Variants in UBE2B observed in about 807,000 individuals in gnomAD.
The protein encoded by UBE2B is ubiquitin-conjugating enzyme E2 B.
In UBE2B, 11 loss-of-function variants were observed where a neutral mutation model predicts 24.6. The observed-to-expected ratio is 0.45, with a 90% confidence interval of 0.28 to 0.74. The LOEUF (loss-of-function observed/expected upper bound fraction) is 0.74, where lower values mean the gene tolerates loss of function less well. Among genes scored for constraint, UBE2B ranks in the 30% least tolerant of loss-of-function variants. The pLI, the probability that UBE2B is intolerant of heterozygous loss-of-function variation, is 0.13. For missense variants in UBE2B, 78 were observed against 185.6 expected (o/e 0.42, Z 3.37); for synonymous variants, 68 against 62.4 (o/e 1.09, Z -0.42).
At chr5:134,379,943 C>G (rs1274962591) in intron 3 of UBE2B, among the ~76,000 whole-genome samples, 3 of 151,686 alleles carry the variant, frequency 2.0e-5, no homozygotes, top group Admixed American at 2.0e-4. Flanking sequence ...GAGACAGAGT[C>G]TTGCTCTTGT....
intron 1 of UBE2B, among the ~76,000 whole-genome samples, chr5:134,373,053 GT>G (rs1554113829): frequency 1.3e-5 from 2 of 152,172 alleles, no homozygotes; most frequent in Non-Finnish European, 2.9e-5. Flanking sequence ...ACCTTTTGTA[GT>G]TTCCAGAGAT....
chr5:134,372,851 T>C (rs916049872), intron 1 of UBE2B, among the ~76,000 whole-genome samples: 1 of 152,222 alleles, frequency 6.6e-6, no homozygotes, highest in African/African-American at 2.4e-5. Flanking sequence ...GTATATAATG[T>C]AGCATTTTTA....
intron 4 of UBE2B, among the ~76,000 whole-genome samples, chr5:134,386,632 CAAAAA>C (rs941889424): frequency 7.6e-6 from 1 of 131,994 alleles, no homozygotes; most frequent in Non-Finnish European, 1.6e-5. Flanking sequence ...AACTCCATCT[CAAAAA>C]AAAAAAAGGA....
intron 4 of UBE2B, 73 bp downstream of exon 4, chr5:134,380,881 C>A: frequency 9.6e-7 from 1 of 1,043,268 alleles, no homozygotes; most frequent in Non-Finnish European, 1.5e-6. Context: ...AGCTCTTTCA[C>A]CTTACTTTTT....
chr5:134,376,561 T>A, intron 2 of UBE2B, 108 bp from the exon 3 acceptor site: 1 of 1,188,644 alleles, frequency 8.4e-7, no homozygotes, highest in Non-Finnish European at 1.2e-6. Flanking sequence ...CCACAAATCA[T>A]CAGAATGAGT....
rs1427380155 is a variant in UBE2B, at chr5:134,383,319, TTTG to T, written c.241+2518_241+2520del. Among the ~76,000 whole-genome samples, 9 of 152,226 alleles carry T rather than the reference TTTG, an allele frequency of 5.9e-5. No homozygotes were observed. In the South Asian group the frequency reaches 6.2e-4, roughly 11 times the overall value. On this transcript the variant is annotated intron_variant, in intron 4 of 5. Transcript: ENST00000265339. The stretch of plus-strand genomic sequence containing the variant: ...CATTCTTAAAAATCTTAAAAATTTT[TTTG>T]TTGTTGAGAAAAACACTTGCTGTGT...
chr5:134,390,483 T>A lies in UBE2B; in HGVS notation c.*130T>A. 1 of 1,111,484 alleles carries A rather than the reference T, an allele frequency of 9.0e-7. No individual in the cohort carries two copies. Among genetic ancestry groups the A allele is most frequent in the African/African-American group, 1.6e-5 (1 of 63,436 alleles). 68.9% of individuals were successfully genotyped at this position (1,111,484 alleles called of 1,614,324 possible). A position where few individuals can be genotyped will look rare whatever the true frequency, so the allele number is the denominator to read the frequency against. On this transcript the variant is annotated 3_prime_UTR_variant, in exon 6 of 6. Coordinates refer to ENST00000265339, the MANE Select transcript of UBE2B (RefSeq NM_003337.4). The surrounding 1 kb of genome is among the most constrained non-coding windows in gnomAD (Gnocchi z 4.6). Reference sequence around the variant, plus strand: ...GAAAAAAAAGAAAAAAGTCCTTCAGTTTAGAACCTACAAAAGCTTGTGTAT... The same window carrying A: ...GAAAAAAAAGAAAAAAGTCCTTCAGATTAGAACCTACAAAAGCTTGTGTAT...
At chr5:134,377,383 G>A (rs1156320871) in intron 3 of UBE2B, among the ~76,000 whole-genome samples, 1 of 152,140 alleles carries the variant, frequency 6.6e-6, no homozygotes, top group African/African-American at 2.4e-5. Context: ...CAGTTTGTAA[G>A]GACGTAACCT....
rs1262199096 is a variant in UBE2B, at chr5:134,371,698, G to A, written c.44+59G>A. The A allele has an allele frequency of 3.1e-6, 5 of 1,608,252 alleles. No individual in the cohort carries two copies. The African/African-American group carries it at 5.3e-5, about 17-fold the overall frequency. ...CCTCAAAGCTGCGGGGCTGCAGGGC[G>A]TGGATCCCAGACACCTTCCCCTTTG... On this transcript the variant is annotated intron_variant, in intron 1 of 5. Coordinates refer to ENST00000265339, the MANE Select transcript of UBE2B (RefSeq NM_003337.4).
At position 134,391,580 on chromosome 5, in the gene UBE2B, A is replaced by G. The variant is rs910766372; in HGVS notation, c.*1227A>G. On this transcript the variant is annotated 3_prime_UTR_variant, in exon 6 of 6. Transcript: ENST00000265339. ...TAAAACAGCTATTTTAGTAACCCCA[A>G]GAGTTTCTTCTCATATCCATAAAAT... 1 of 152,634 alleles carries G rather than the reference A, an allele frequency of 6.6e-6. No homozygotes were observed. The highest frequency in any genetic ancestry group is 2.4e-5 in the African/African-American group (1 of 41,456). 9.5% of individuals were successfully genotyped at this position (152,634 alleles called of 1,614,324 possible). A position where few individuals can be genotyped will look rare whatever the true frequency, so the allele number is the denominator to read the frequency against.
At chr5:134,388,946 G>GTTTTTTTTTTT (rs35847901) in intron 5 of UBE2B, 4 of 174,504 alleles carry the variant, frequency 2.3e-5, no homozygotes, top group African/African-American at 5.6e-5. Context: ...TTCTTTAATT[G>GTTTTTTTTTTT]TTTTTTTTTT....
At chr5:134,387,775 T>A (rs1758830645) in intron 4 of UBE2B, among the ~76,000 whole-genome samples, 1 of 152,172 alleles carries the variant, frequency 6.6e-6, no homozygotes. Context: ...AGTGTTACAA[T>A]GGCAATTAAT....
intron 3 of UBE2B, among the ~76,000 whole-genome samples, chr5:134,378,574 C>A (rs1758649126): frequency 6.6e-6 from 1 of 152,094 alleles, no homozygotes; most frequent in East Asian, 1.9e-4. Flanking sequence ...TTTTAATATT[C>A]TGTATGATAT....
At chr5:134,380,905 A>G in intron 4 of UBE2B, 97 bp downstream of exon 4, 1 of 714,138 alleles carries the variant, frequency 1.4e-6, no homozygotes, top group Non-Finnish European at 2.4e-6. Flanking sequence ...GTTAGGGCTC[A>G]CTTGTAGGTG....
intron 4 of UBE2B, among the ~76,000 whole-genome samples, chr5:134,387,179 C>T (rs1168494247): frequency 1.3e-5 from 2 of 151,962 alleles, no homozygotes; most frequent in Admixed American, 1.3e-4. Context: ...AGGCTGGTCT[C>T]GAACTCATGA....
intron 2 of UBE2B, among the ~76,000 whole-genome samples, chr5:134,375,810 A>AC (rs1407219924): frequency 6.0e-5 from 9 of 150,684 alleles, no homozygotes; most frequent in African/African-American, 2.2e-4. Context: ...AAAAAAAAAA[A>AC]AAAAAAAAAA....
chr5:134,379,861 C>G (rs566699857), intron 3 of UBE2B, among the ~76,000 whole-genome samples: 5 of 152,104 alleles, frequency 3.3e-5, no homozygotes, highest in African/African-American at 1.2e-4. Flanking sequence ...TTATCACCAA[C>G]TTGGGGAGAA....
At chr5:134,383,072 G>A (rs879571214) in intron 4 of UBE2B, among the ~76,000 whole-genome samples, 2 of 152,044 alleles carry the variant, frequency 1.3e-5, no homozygotes, top group Admixed American at 6.6e-5. Flanking sequence ...GGCTGAGGCG[G>A]GAGAATTGCT....
At chr5:134,373,065 C>G (rs1017631429) in intron 1 of UBE2B, among the ~76,000 whole-genome samples, 1 of 152,198 alleles carries the variant, frequency 6.6e-6, no homozygotes, top group Non-Finnish European at 1.5e-5. Flanking sequence ...TTCCAGAGAT[C>G]TGCAGGTTAC....
Sources: gnomAD v4.1 joint callset for allele counts (sites outside exome capture counted in the v4.1 genomes callset) on GRCh38, gnomAD v4.1.1 for gene constraint, Gnocchi (gnomAD v3.1) non-coding constraint, MANE v1.5 for transcripts, NCBI Gene and HGNC (gene_info 2026-07-23, HGNC 2026-07-21) for gene names.